The following NLRP11 variants were observed in gnomAD, a reference collection of about 807,000 sequenced individuals.
NLRP11 encodes NLR family pyrin domain containing 11, also known as NACHT, LRR and PYD domains-containing protein 11.
A neutral mutation model predicts 79.3 loss-of-function variants in NLRP11; 53 were observed. That is an observed-to-expected ratio of 0.67 (90% CI 0.54 to 0.84). NLRP11 has a LOEUF of 0.84. Ranked by LOEUF, NLRP11 falls within the 40% of genes least tolerant of loss-of-function variation. NLRP11 has a pLI of 0.00. For missense variants in NLRP11, 1,264 were observed against 1,255.0 expected (o/e 1.01, Z -0.11); for synonymous variants, 518 against 462.6 (o/e 1.12, Z -1.54).
intron 9 of NLRP11, among the ~76,000 whole-genome samples, chr19:55,787,588 T>C (rs576901183): frequency 9.2e-4 from 140 of 152,304 alleles, no homozygotes; most frequent in African/African-American, 2.9e-3. Context: ...CCACCCGCCT[T>C]AGCCTTCCAA....
intron 2 of NLRP11, 77 bp downstream of exon 2, chr19:55,817,827 A>G: frequency 8.3e-7 from 1 of 1,210,584 alleles, no homozygotes; most frequent in South Asian, 1.5e-5. Context: ...TTAGAAAAAA[A>G]AAAAAAAAAA....
chr19:55,809,954 G>A lies in NLRP11; in HGVS notation c.656C>T (p.Ser219Phe), dbSNP rs753906882. ...GATGAAAAGGAGTTTCTTGGGATCA[G>A]ACAGGATGTCTGCAATGGGAGCCTG... The change falls in exon 3 of 10, where the codon TCT (serine) becomes TTT (phenylalanine). Residue 219 changes from serine to phenylalanine, a missense_variant. Ser to Phe is a radical substitution (Grantham distance 155, BLOSUM62 -2). Coordinates refer to ENST00000589093, the Ensembl canonical transcript of NLRP11. The surrounding 1 kb of genome is among the most constrained non-coding windows in gnomAD (Gnocchi z 4.5). 6.2e-7 allele frequency: 1 copy of A among 1,614,096 alleles called. No individual in the cohort carries two copies. The highest frequency in any genetic ancestry group is 1.3e-5 in the African/African-American group (1 of 74,930).
At position 55,818,171 on chromosome 19, in the gene NLRP11, C is replaced by T. The variant is rs566488800; in HGVS notation, c.4G>A (p.Ala2Thr). 6.0e-5 allele frequency: 97 copies of T among 1,610,024 alleles called. No homozygotes were observed. The South Asian group carries it at 8.7e-4, about 14-fold the overall frequency. The change falls in exon 2 of 10, where the codon GCA (alanine) becomes ACA (threonine). Residue 2 changes from alanine to threonine, a missense_variant. Ala to Thr is a moderately conservative substitution (Grantham distance 58). Transcript: ENST00000589093. ...TCAAAGTCAGTAGAATCCGATTCTG[C>T]CATCTTGCTTCTCCAGGGAAGGCAG...
chr19:55,789,423 G>C (rs199960046), intron 7 of NLRP11, 24 bp from the exon 8 acceptor site: 106 of 1,598,372 alleles, frequency 6.6e-5, no homozygotes, highest in Middle Eastern at 1.7e-4. Flanking sequence ...ACATGAGCTA[G>C]AGTCATGACC....
Position 55,812,955 on chromosome 19 carries a change from T to C in NLRP11, c.272-2617A>G, listed in dbSNP as rs190211708. Among the ~76,000 whole-genome samples, 237 of 152,290 alleles carry C rather than the reference T, an allele frequency of 1.6e-3. 2 individuals carry two copies. The highest frequency in any genetic ancestry group is 5.3e-3 in the African/African-American group (220 of 41,562). On this transcript the variant is annotated intron_variant, in intron 2 of 9. Transcript: ENST00000589093. ...TTCCACTGTTATTTCAGGAACAACC[T>C]TGCTAAACTTTCCACCAGTTCAGGT...
At chr19:55,808,706 G>A in intron 3 of NLRP11, 63 bp downstream of exon 3, 2 of 1,466,332 alleles carry the variant, frequency 1.4e-6, no homozygotes, top group South Asian at 1.4e-5. Flanking sequence ...TGGTCAACAA[G>A]CTCTAGAATT....
chr19:55,828,221 T>A (rs1377147741), intron 1 of NLRP11, among the ~76,000 whole-genome samples: 1 of 143,560 alleles, frequency 7.0e-6, no homozygotes, highest in South Asian at 2.3e-4. Flanking sequence ...AACAATGAGA[T>A]CACATGGACA....
chr19:55,803,021 T>C (rs1394141598), intron 4 of NLRP11, among the ~76,000 whole-genome samples: 1 of 152,114 alleles, frequency 6.6e-6, no homozygotes, highest in Non-Finnish European at 1.5e-5. Context: ...CAACTCAAGA[T>C]GGATTACAGA....
intron 9 of NLRP11, among the ~76,000 whole-genome samples, 198 bp downstream of exon 9, chr19:55,788,608 TG>T (rs1440573372): frequency 4.6e-5 from 7 of 151,044 alleles, no homozygotes; most frequent in Non-Finnish European, 8.9e-5. Context: ...GGTGTGGTGG[TG>T]GGTGCCTGTA....
intron 5 of NLRP11, among the ~76,000 whole-genome samples, chr19:55,797,995 TATTA>T (rs762958642): frequency 1.4e-5 from 2 of 144,622 alleles, no homozygotes; most frequent in Admixed American, 6.9e-5. Flanking sequence ...TCTATATTAT[TATTA>T]TTTTTTTTTT....
chr19:55,828,492 G>A (rs2122933125), intron 1 of NLRP11, among the ~76,000 whole-genome samples: 1 of 152,296 alleles, frequency 6.6e-6, no homozygotes, highest in East Asian at 1.9e-4. Flanking sequence ...TTCTCATGGA[G>A]AATACTCATT....
At chr19:55,796,058 G>A (rs762620140) in intron 6 of NLRP11, 22 bp downstream of exon 6, 3 of 1,594,076 alleles carry the variant, frequency 1.9e-6, no homozygotes, top group South Asian at 1.1e-5. Context: ...TCTACGTGGT[G>A]AGCTCGTCTA....
chr19:55,788,873 C>T (rs142541266), exon 9 of NLRP11: 12 of 1,613,562 alleles, frequency 7.4e-6, no homozygotes, highest in Non-Finnish European at 9.3e-6. Flanking sequence ...TCCATCATTG[C>T]CCAAGTGATT....
exon 10 of NLRP11, chr19:55,785,478 T>C: frequency 1.4e-6 from 1 of 705,738 alleles, no homozygotes; most frequent in Non-Finnish European, 2.4e-6. Context: ...TTTGAAGTGG[T>C]TGACTGGATC....
intron 6 of NLRP11, among the ~76,000 whole-genome samples, chr19:55,794,848 A>AT (rs887613848): frequency 1.3e-5 from 2 of 152,150 alleles, no homozygotes; most frequent in African/African-American, 2.4e-5. Flanking sequence ...TCAAACAAGT[A>AT]TTTTTTACAG....
At chr19:55,788,868 C>T (rs1249406155) in exon 9 of NLRP11, 2 of 1,608,422 alleles carry the variant, frequency 1.2e-6, no homozygotes, top group South Asian at 1.1e-5. Context: ...GCAACTCCAT[C>T]ATTGCCCAAG....
rs73933395 is a variant in NLRP11, at chr19:55,796,329, G to A, written c.2172-79C>T. On this transcript the variant is annotated intron_variant, in intron 5 of 9. Coordinates refer to ENST00000589093, the Ensembl canonical transcript of NLRP11. ...CTTTTAAATTAAAAAAAAAAAAAAA[G>A]AGAGACCTAACCAAGTGCGATGATG... 2,344 of 1,028,138 alleles carry A rather than the reference G, an allele frequency of 2.3e-3. 25 individuals carry two copies. The African/African-American group carries it at 0.036, about 16-fold the overall frequency. 63.7% of individuals were successfully genotyped at this position (1,028,138 alleles called of 1,614,324 possible).
upstream of NLRP11, among the ~76,000 whole-genome samples, chr19:55,835,481 A>T (rs1184804311): frequency 6.6e-6 from 1 of 152,024 alleles, no homozygotes; most frequent in Non-Finnish European, 1.5e-5. Context: ...CGGGCAGATC[A>T]CTTGAGGTCA....
chr19:55,816,928 C>A (rs1449972449), intron 2 of NLRP11, among the ~76,000 whole-genome samples: 1 of 152,170 alleles, frequency 6.6e-6, no homozygotes, highest in Non-Finnish European at 1.5e-5. Flanking sequence ...GTTCTGAAGA[C>A]TGGTTCTTTG....
Sources: gnomAD v4.1 joint callset for allele counts (sites outside exome capture counted in the v4.1 genomes callset) on GRCh38, gnomAD v4.1.1 for gene constraint, Gnocchi (gnomAD v3.1) non-coding constraint, MANE v1.5 for transcripts, NCBI Gene and HGNC (gene_info 2026-07-23, HGNC 2026-07-21) for gene names.